The following CPM variants were observed in gnomAD, a reference collection of about 807,000 sequenced individuals.
The protein encoded by CPM is renal carboxypeptidase.
A neutral mutation model predicts 46.4 loss-of-function variants in CPM; 35 were observed. The ratio of observed to expected loss-of-function variants is 0.75; its 90% CI spans 0.58 to 1.00. CPM has a LOEUF of 1.00. Among genes scored for constraint, CPM ranks in the 50% least tolerant of loss-of-function variants. The pLI is 0.00. For missense variants in CPM, 422 were observed against 530.4 expected, an observed-to-expected ratio of 0.80 and a Z score of 2.01; for synonymous variants, 195 against 195.3, an observed-to-expected ratio of 1.00 and a Z score of 0.01.
rs113712879 is a variant in CPM at position 68,900,195 on chromosome 12, A to G, written c.161-14306T>C. 6.6e-3 allele frequency among the ~76,000 whole-genome samples: 1,004 copies of G among 152,366 alleles called. 9 individuals are homozygous for G. The highest frequency in any genetic ancestry group is 0.024 in the Middle Eastern group (7 of 294). On this transcript the variant is annotated intron_variant, in intron 2 of 8. Transcript: ENST00000551568. ...CCAACAATAAGAAAATAAACAACTC[A>G]ATTAAAAAATGGACAAAAGATGGAA...
intron 7 of CPM, among the ~76,000 whole-genome samples, chr12:68,866,335 T>C (rs1885442605): frequency 6.6e-6 from 1 of 152,086 alleles, no homozygotes; most frequent in Admixed American, 6.5e-5. Context: ...TGTTTGTTTG[T>C]TTGTTTGTTT....
chr12:68,860,882 T>C (rs546491706), intron 7 of CPM, among the ~76,000 whole-genome samples: 2 of 151,752 alleles, frequency 1.3e-5, no homozygotes, highest in Admixed American at 1.3e-4. Flanking sequence ...TTTCCTTTCT[T>C]CTTCTTTTTT....
At chr12:68,924,727 G>A (rs960406397) in intron 2 of CPM, among the ~76,000 whole-genome samples, 9 of 152,100 alleles carry the variant, frequency 5.9e-5, no homozygotes, top group African/African-American at 1.4e-4. Flanking sequence ...TTTTATACAG[G>A]ATCTCAAGCA....
intron 2 of CPM, among the ~76,000 whole-genome samples, chr12:68,931,034 C>T (rs995603652): frequency 6.6e-6 from 1 of 152,092 alleles, no homozygotes; most frequent in Non-Finnish European, 1.5e-5. Context: ...AGGCTGAATA[C>T]GTATGCTGAT....
intron 2 of CPM, among the ~76,000 whole-genome samples, chr12:68,913,020 G>A (rs541989431): frequency 6.6e-6 from 1 of 151,910 alleles, no homozygotes; most frequent in African/African-American, 2.4e-5. Context: ...CAGGGGCTGA[G>A]GCTGCTATGG....
Position 68,859,026 on chromosome 12 carries a change from T to C in CPM, c.986A>G (p.Asn329Ser), listed in dbSNP as rs758861984. 5.7e-6 allele frequency: 9 copies of C among 1,568,136 alleles called. No individual in the cohort carries two copies. The South Asian group carries it at 6.1e-5, about 11-fold the overall frequency. ...VFDQNGNPLP[N>S]VIVEVQDRKH... ...TCTGTCTTGGACTTCCACAATTACATTGGGTAATGGATTTCCATTCTGATC... is the reference window on the plus strand; with the variant it reads ...TCTGTCTTGGACTTCCACAATTACACTGGGTAATGGATTTCCATTCTGATC... The change falls in exon 8 of 9, where the codon AAT becomes AGT. Residue 329 changes from asparagine to serine, a missense_variant. Physicochemically the swap from Asn to Ser is conservative, Grantham distance 46. Coordinates refer to ENST00000551568, the MANE Select transcript of CPM (RefSeq NM_198320.5).
At chr12:68,897,906 G>A (rs1886950277) in intron 2 of CPM, among the ~76,000 whole-genome samples, 1 of 152,068 alleles carries the variant, frequency 6.6e-6, no homozygotes, top group Non-Finnish European at 1.5e-5. Flanking sequence ...GAATGCAGTG[G>A]TGCAATCATG....
At chr12:68,871,603 A>G (rs1238832826) in intron 4 of CPM, 181 bp downstream of exon 4, 3 of 645,796 alleles carry the variant, frequency 4.6e-6, no homozygotes, top group Non-Finnish European at 8.0e-6. Flanking sequence ...CCTTATTTGC[A>G]TTTCTTCCTG....
chr12:68,945,047 G>C (rs1466148205), intron 1 of CPM, among the ~76,000 whole-genome samples: 1 of 152,126 alleles, frequency 6.6e-6, no homozygotes, highest in Non-Finnish European at 1.5e-5. Flanking sequence ...TTCTACAGTA[G>C]TGATGTTATC....
chr12:68,892,411 C>T (rs894429351), intron 2 of CPM, among the ~76,000 whole-genome samples: 1 of 152,134 alleles, frequency 6.6e-6, no homozygotes, highest in African/African-American at 2.4e-5. Flanking sequence ...TTAGCTGGTA[C>T]ATCCCAAATT....
chr12:68,906,383 T>C (rs927832054), intron 2 of CPM, among the ~76,000 whole-genome samples: 1 of 152,202 alleles, frequency 6.6e-6, no homozygotes, highest in Non-Finnish European at 1.5e-5. Context: ...GAAAAAACTC[T>C]TCAGTGAAAT....
chr12:68,930,066 T>C (rs1034711692), intron 2 of CPM, among the ~76,000 whole-genome samples: 1 of 152,194 alleles, frequency 6.6e-6, no homozygotes, highest in Non-Finnish European at 1.5e-5. Context: ...ATAACACGTG[T>C]ATAATAAATT....
intron 7 of CPM, 145 bp from the exon 8 acceptor site, chr12:68,859,216 C>G (rs2136216999): frequency 2.3e-6 from 1 of 434,140 alleles, no homozygotes; most frequent in Non-Finnish European, 3.7e-6. Flanking sequence ...AGGGAAAAAA[C>G]TTATTTTTGA....
At chr12:68,890,552 T>A (rs1886614110) in intron 2 of CPM, among the ~76,000 whole-genome samples, 1 of 152,186 alleles carries the variant, frequency 6.6e-6, no homozygotes, top group African/African-American at 2.4e-5. Flanking sequence ...ATTCCAAAGA[T>A]CTGTGCTCTT....
At chr12:68,842,205 A>G, downstream of CPM, 2 of 500,658 alleles carry the variant, frequency 4.0e-6, no homozygotes, top group Non-Finnish European at 7.9e-6. Flanking sequence ...AGTTGAAAAG[A>G]TCAAACAAAT....
At chr12:68,867,823 T>C (rs1386704724) in intron 6 of CPM, among the ~76,000 whole-genome samples, 1 of 152,316 alleles carries the variant, frequency 6.6e-6, no homozygotes, top group East Asian at 1.9e-4. Context: ...CTCTGGTCCC[T>C]TACTTTCAAA....
chr12:68,864,078 A>G (rs1885324636), intron 7 of CPM, among the ~76,000 whole-genome samples: 1 of 152,252 alleles, frequency 6.6e-6, no homozygotes, highest in Admixed American at 6.5e-5. Context: ...TTGATGTGCC[A>G]ATATATGTAT....
chr12:68,914,103 T>C (rs979923717), intron 2 of CPM: 13 of 555,362 alleles, frequency 2.3e-5, no homozygotes, highest in African/African-American at 3.8e-5. Context: ...CAGAAAATTA[T>C]AGTCAGTATA....
intron 6 of CPM, among the ~76,000 whole-genome samples, chr12:68,867,326 A>G (rs1410578199): frequency 6.6e-6 from 1 of 152,044 alleles, no homozygotes; most frequent in Non-Finnish European, 1.5e-5. Context: ...TTTTGTTTTT[A>G]TTTTTTGAAA....
Sources: gnomAD v4.1 joint callset for allele counts (sites outside exome capture counted in the v4.1 genomes callset) on GRCh38, gnomAD v4.1.1 for gene constraint, MANE v1.5 for transcripts, NCBI Gene and HGNC (gene_info 2026-07-23, HGNC 2026-07-21) for gene names.